The following AMZ1 variants were observed in gnomAD, a reference collection of about 807,000 sequenced individuals.
The protein encoded by AMZ1 is archaelysin family metallopeptidase 1, also known as archaemetzincin-1.
In AMZ1, 39 loss-of-function variants were observed where a neutral mutation model predicts 29.9. The ratio of observed to expected loss-of-function variants is 1.30; its 90% CI spans 1.01 to 1.70. AMZ1 has a LOEUF of 1.70. Ranked by LOEUF, AMZ1 falls within the 40% of genes most tolerant of loss-of-function variation. The pLI is 0.00. For missense variants in AMZ1, 1,041 were observed against 680.6 expected (o/e 1.53, Z -5.89); for synonymous variants, 458 against 304.0 (o/e 1.51, Z -5.27).
chr7:2,702,701 A>G, intron 2 of AMZ1, 21 bp from the exon 3 acceptor site: 1 of 1,514,350 alleles, frequency 6.6e-7, no homozygotes, highest in Non-Finnish European at 8.8e-7. Flanking sequence ...CGCAGGGCTG[A>G]CGGTGCTGCT....
rs79731822 is a variant in AMZ1 at position 2,727,983 on chromosome 7, C to T, written n.550+18167C>T. The T allele has an allele frequency of 2.9e-4, 39 of 133,480 alleles. No individual in the cohort carries two copies. In the Middle Eastern group the frequency reaches 0.014, roughly 47 times the overall value. The allele number at this position is 133,480 out of a possible 1,614,324, so 8.3% of individuals were successfully genotyped here. On this transcript the variant is annotated intron_variant and non_coding_transcript_variant, in intron 4 of 4. Transcript: ENST00000489665. ...GAGGCTGAAGAATCGTTTGAACCCA[C>T]GAGGTGGAGGGAGACTCTGTCTCAA...
At chr7:2,758,681 G>C (rs1164275627) in intron 4 of AMZ1, among the ~76,000 whole-genome samples, 1 of 152,206 alleles carries the variant, frequency 6.6e-6, no homozygotes, top group Non-Finnish European at 1.5e-5. Flanking sequence ...CCCTGTGCTA[G>C]AGAGGTTGGT....
intron 1 of AMZ1, 124 bp downstream of exon 1, chr7:2,688,420 G>GGGC (rs1787180819): frequency 6.6e-6 from 1 of 151,988 alleles, no homozygotes; most frequent in African/African-American, 2.4e-5. Flanking sequence ...GAGGGCGCCC[G>GGGC]GGCGGCGGCG....
intron 6 of AMZ1, 33 bp from the exon 7 acceptor site, chr7:2,712,297 G>A (rs201473143): frequency 5.9e-5 from 90 of 1,521,314 alleles, no homozygotes; most frequent in Middle Eastern, 2.0e-4. Context: ...GGGCTGGCAC[G>A]GAGCAAACTC....
At chr7:2,696,480 A>G (rs1478663257) in intron 1 of AMZ1, among the ~76,000 whole-genome samples, 12 of 149,226 alleles carry the variant, frequency 8.0e-5, no homozygotes, top group African/African-American at 1.7e-4. Flanking sequence ...GATGGTCTCG[A>G]TCTCCTGACC....
chr7:2,726,507 A>C (rs1339321351), intron 4 of AMZ1, among the ~76,000 whole-genome samples: 1 of 152,202 alleles, frequency 6.6e-6, no homozygotes, highest in Non-Finnish European at 1.5e-5. Context: ...CTGTGTCCCC[A>C]GGGCAGAGAG....
Position 2,712,477 on chromosome 7 carries a change from G to C in AMZ1, c.1096G>C (p.Glu366Gln), listed in dbSNP as rs1226855450. 1.2e-6 allele frequency: 2 copies of C among 1,610,730 alleles called. No homozygotes were observed. The highest frequency in any genetic ancestry group is 2.2e-5 in the East Asian group (1 of 44,836). The change falls in exon 7 of 7, where the codon GAG becomes CAG. Residue 366 changes from glutamate to glutamine, a missense_variant. Transcript: ENST00000683327. ...CTCGGAGCCCGGCACCAGTGTGTCG[G>C]AGCCCCTCACCCCTGATGCCGGGAG... is the stretch of plus-strand genomic sequence containing the variant. ...SDSEPGTSVS[E>Q]PLTPDAGSHT... is the part of the protein sequence containing the mutation.
At chr7:2,734,625 G>T (rs1190331351) in intron 4 of AMZ1, among the ~76,000 whole-genome samples, 1 of 152,236 alleles carries the variant, frequency 6.6e-6, no homozygotes, top group Non-Finnish European at 1.5e-5. Flanking sequence ...CTCTGTCCCA[G>T]ACAGACTGAG....
upstream of AMZ1, among the ~76,000 whole-genome samples, chr7:2,687,794 C>T (rs957379211): frequency 2.0e-5 from 3 of 151,508 alleles, no homozygotes; most frequent in Non-Finnish European, 4.4e-5. Context: ...CCTGGTTCAC[C>T]CCTCTCACCT....
In AMZ1 at chr7:2,712,830, C is replaced by G; in HGVS notation, c.1449C>G (p.Leu483=). The G allele has an allele frequency of 6.5e-7, 1 of 1,535,018 alleles. No homozygotes were observed. The highest frequency in any genetic ancestry group is 8.8e-7 in the Non-Finnish European group (1 of 1,139,614). Residue 483 remains leucine, a synonymous_variant, in exon 7 of 7, where the codon CTC becomes CTG. Transcript: ENST00000683327. ...SLRRKLSARK[L]ARAESAPRPW... is the part of the protein sequence containing the mutation. ...GGAGGAAGCTGAGTGCCCGAAAACT[C>G]GCCAGAGCAGAGTCGGCCCCCCGTC...
intron 1 of AMZ1, among the ~76,000 whole-genome samples, chr7:2,699,528 C>G (rs540286423): frequency 7.2e-6 from 1 of 138,138 alleles, no homozygotes; most frequent in African/African-American, 2.5e-5. Context: ...GCTGCGTACC[C>G]CCGCCCCCCC....
intron 4 of AMZ1, among the ~76,000 whole-genome samples, chr7:2,739,359 C>A (rs1562396544): frequency 6.6e-6 from 1 of 152,208 alleles, no homozygotes; most frequent in African/African-American, 2.4e-5. Context: ...CTGGATCTCT[C>A]ATTGGAGCGC....
intron 1 of AMZ1, among the ~76,000 whole-genome samples, chr7:2,681,463 C>T (rs978505705): frequency 1.3e-5 from 2 of 152,030 alleles, no homozygotes; most frequent in Admixed American, 6.5e-5. Context: ...GTCTTGCTAT[C>T]CTGCCCAGGC....
At chr7:2,690,794 C>T (rs548164880) in intron 1 of AMZ1, among the ~76,000 whole-genome samples, 1 of 152,024 alleles carries the variant, frequency 6.6e-6, no homozygotes, top group African/African-American at 2.4e-5. Flanking sequence ...CAGTTTGGGC[C>T]CAAGTCACAC....
At position 2,709,691 on chromosome 7, in the gene AMZ1, C is replaced by T. The variant is rs1203194013; in HGVS notation, c.823C>T (p.Leu275Phe). The T allele has an allele frequency of 3.1e-6, 5 of 1,610,916 alleles. No homozygotes were observed. In the Admixed American group the frequency reaches 8.3e-5, roughly 27 times the overall value. The part of the protein sequence containing the change: ...HLLGLGNCRW[L>F]RCLMQGALSL... ...TCTGGGCCTGGGGAACTGCCGCTGG[C>T]TCCGCTGCCTCATGCAGGGTGCGCT... Residue 275 changes from leucine to phenylalanine, a missense_variant, in exon 6 of 7, where the codon CTC (leucine) becomes TTC (phenylalanine). By Grantham distance (22) the Leu-to-Phe change is conservative (BLOSUM62 0). Coordinates refer to ENST00000683327, the MANE Select transcript of AMZ1 (RefSeq NM_001384743.1).
intron 4 of AMZ1, among the ~76,000 whole-genome samples, chr7:2,758,247 C>T (rs748137262): frequency 8.5e-5 from 13 of 152,188 alleles, no homozygotes; most frequent in African/African-American, 2.7e-4. Context: ...GCTTTAGGGC[C>T]GGGTGCAGTG....
At chr7:2,705,533 C>T (rs963646867) in intron 3 of AMZ1, among the ~76,000 whole-genome samples, 1 of 152,216 alleles carries the variant, frequency 6.6e-6, no homozygotes, top group Non-Finnish European at 1.5e-5. Flanking sequence ...TCTCCTTAAT[C>T]CACTCCTCCC....
chr7:2,759,944 G>T (rs773671367), upstream of AMZ1, among the ~76,000 whole-genome samples: 1 of 152,214 alleles, frequency 6.6e-6, no homozygotes, highest in Non-Finnish European at 1.5e-5. Flanking sequence ...TGCCAAGCAG[G>T]CTGTGTAGGC....
upstream of AMZ1, among the ~76,000 whole-genome samples, chr7:2,683,504 C>G (rs1208813889): frequency 6.6e-6 from 1 of 152,174 alleles, no homozygotes; most frequent in Admixed American, 6.5e-5. Context: ...GTGGCACGAT[C>G]TCGGCTCACT....
Sources: allele counts gnomAD v4.1 joint callset (sites outside exome capture counted in the v4.1 genomes callset), GRCh38; gene constraint gnomAD v4.1.1; transcripts MANE v1.5; gene names NCBI Gene and HGNC (gene_info 2026-07-23, HGNC 2026-07-21).